ARHGAP4: variants seen among roughly 807,000 people sequenced by gnomAD.
ARHGAP4 encodes Rho GTPase activating protein 4.
ARHGAP4 carries 25 observed loss-of-function variants against 67.6 expected under a neutral mutation model. That is an observed-to-expected ratio of 0.37 (90% CI 0.27 to 0.52). ARHGAP4 has a LOEUF of 0.52. ARHGAP4 is among the 20% of genes least tolerant of loss of function. The pLI is 0.92. For synonymous variants in ARHGAP4, 448 were observed against 373.7 expected, an observed-to-expected ratio of 1.20 and a Z score of -2.29; for missense variants, 804 against 854.6, an observed-to-expected ratio of 0.94 and a Z score of 0.74.
In ARHGAP4 at chrX:153,909,425, C is replaced by G; in HGVS notation, c.2507+18G>C. 2 of 1,178,736 alleles carry G rather than the reference C, an allele frequency of 1.7e-6. No homozygotes were observed. The highest frequency in any genetic ancestry group is 2.3e-6 in the Non-Finnish European group (2 of 877,661). ...AACAGCACACGTGTGGCCCCCTGAGCCCCGTCTTCTTGCTCACCGGTGGAC... is the reference window on the plus strand; with the variant it reads ...AACAGCACACGTGTGGCCCCCTGAGGCCCGTCTTCTTGCTCACCGGTGGAC... On this transcript the variant is annotated intron_variant, in intron 20 of 21. Transcript: ENST00000350060.
rs782717001 is a variant in ARHGAP4 at position 153,907,903 on chromosome X, G to A, written c.2667C>T (p.Arg889=). 2.8e-6 allele frequency: 3 copies of A among 1,063,427 alleles called. No homozygotes were observed. The highest frequency in any genetic ancestry group is 7.0e-5 in the Admixed American group (2 of 28,634). 87.6% of individuals were successfully genotyped at this position (1,063,427 alleles called of 1,213,427 possible). The change falls in exon 22 of 22, where the codon CGC becomes CGT. Residue 889 remains arginine (R), a synonymous_variant. Coordinates refer to ENST00000350060, the MANE Select transcript of ARHGAP4 (RefSeq NM_001666.5). ...TGGTAGATGCTGGCCCAAGGCCCTG[G>A]CGGACAGAGGTCTTTCCCAAGAGCT... ...FKELLGKTSV[R]QGLGPASTTS...
In ARHGAP4 at chrX:153,910,495, G is replaced by A. The variant is rs187897015; in HGVS notation, c.1922+11C>T. ...TGGCCCCCACCCCAGCACTCGCCCCGCAGCACTCACTGGTTGAGGAAGGTG... is the reference window on the plus strand; with the variant it reads ...TGGCCCCCACCCCAGCACTCGCCCCACAGCACTCACTGGTTGAGGAAGGTG... On this transcript the variant is annotated intron_variant, in intron 16 of 21. Transcript: ENST00000350060. 9.6e-4 allele frequency: 561 copies of A among 584,172 alleles called. 4 individuals are homozygous for A. The African/African-American group carries it at 0.014, about 14-fold the overall frequency. 48.1% of individuals were successfully genotyped at this position (584,172 alleles called of 1,213,427 possible). A position where few individuals can be genotyped will look rare whatever the true frequency, so the allele number is the denominator to read the frequency against.
In ARHGAP4 at chrX:153,921,025, G is replaced by A; in HGVS notation, c.498+72C>T. The stretch of plus-strand genomic sequence containing the variant: ...TGGGGTGATGTGATGGTCTGGCGGT[G>A]TTCCTCCCCCACTGTGAGTGGCATT... On this transcript the variant is annotated intron_variant, in intron 4 of 21. Transcript: ENST00000350060. 3 of 1,130,031 alleles carry A rather than the reference G, an allele frequency of 2.7e-6. No homozygotes were observed. The South Asian group carries it at 5.8e-5, about 22-fold the overall frequency. The allele number at this position is 1,130,031 out of a possible 1,213,427, so 93.1% of individuals were successfully genotyped here. A position where few individuals can be genotyped will look rare whatever the true frequency, so the allele number is the denominator to read the frequency against.
chrX:153,922,916 T>C (rs1557105630), intron 1 of ARHGAP4, among the ~76,000 whole-genome samples: 1 of 110,881 alleles, frequency 9.0e-6, no homozygotes, highest in East Asian at 2.8e-4. Flanking sequence ...GCGGAGAAGA[T>C]GAACCCACAA....
At chrX:153,920,396 C>T in intron 5 of ARHGAP4, 1 of 416,087 alleles carries the variant, frequency 2.4e-6, no homozygotes, top group Non-Finnish European at 4.1e-6. Context: ...CTGCAGGGGC[C>T]CCGCTGGGAG....
chrX:153,914,911 A>G (rs1557104033), intron 7 of ARHGAP4, among the ~76,000 whole-genome samples: 1 of 112,164 alleles, frequency 8.9e-6, no homozygotes, highest in Non-Finnish European at 1.9e-5. Flanking sequence ...TTACTCTTTT[A>G]AGCATGTAGA....
intron 12 of ARHGAP4, 72 bp from the exon 13 acceptor site, chrX:153,911,261 T>C: frequency 1.1e-6 from 1 of 923,443 alleles, no homozygotes; most frequent in Admixed American, 4.0e-5. Flanking sequence ...GCTTTTTTTT[T>C]TTTTTTTTTT....
In ARHGAP4 at chrX:153,910,086, CTGAGGTTCAGGGCAGAGCGAGGCAGA is replaced by C; in HGVS notation, c.2157-27_2157-2del. The C allele has an allele frequency of 8.3e-7, 1 of 1,211,558 alleles. No homozygotes were observed. The highest frequency in any genetic ancestry group is 1.1e-6 in the Non-Finnish European group (1 of 895,479). ...CCCCAGGCTCTCCAGCTGGGCGTCC[CTGAGGTTCAGGGCAGAGCGAGGCAGA>C]TGAGGGGGGCTCTTCTCCAGTGGAC... On this transcript the variant is annotated splice_acceptor_variant and splice_polypyrimidine_tract_variant and intron_variant, in intron 17 of 21. Coordinates refer to ENST00000350060, the MANE Select transcript of ARHGAP4 (RefSeq NM_001666.5). LOFTEE classifies it high-confidence loss of function.
chrX:153,907,387 A>G lies in ARHGAP4; in HGVS notation c.*342T>C, dbSNP rs1219522699. On this transcript the variant is annotated 3_prime_UTR_variant, in exon 22 of 22. Transcript: ENST00000350060. ...AGAGCTGGCTCCCATCGGGGAATCAACACGAGGTCTTTATGAATCGCCACC... is the reference window on the plus strand; with the variant it reads ...AGAGCTGGCTCCCATCGGGGAATCAGCACGAGGTCTTTATGAATCGCCACC... The G allele has an allele frequency of 7.1e-6, 2 of 282,121 alleles. No homozygotes were observed. The highest frequency in any genetic ancestry group is 1.3e-5 in the Non-Finnish European group (2 of 155,718). 23.2% of individuals were successfully genotyped at this position (282,121 alleles called of 1,213,427 possible).
chrX:153,914,008 G>A (rs2065039188), intron 7 of ARHGAP4, 129 bp from the exon 8 acceptor site: 3 of 542,385 alleles, frequency 5.5e-6, no homozygotes, highest in Non-Finnish European at 9.1e-6. Flanking sequence ...CAGCCCAGAC[G>A]CTCAGCTGAA....
chrX:153,907,783 G>A lies in ARHGAP4; in HGVS notation c.2787C>T (p.Ala929=), dbSNP rs782215223. 2 of 1,012,003 alleles carry A rather than the reference G, an allele frequency of 2.0e-6. No homozygotes were observed. The highest frequency in any genetic ancestry group is 3.9e-5 in the African/African-American group (2 of 50,826). The allele number at this position is 1,012,003 out of a possible 1,213,427, so 83.4% of individuals were successfully genotyped here. A position where few individuals can be genotyped will look rare whatever the true frequency, so the allele number is the denominator to read the frequency against. ...CCTGGGGGTGGGAAGCTGAGGGTGA[G>A]GCTGGGGCCCCAGGGCCCCGGGAGA... ...KGFSRGPGAP[A]SPSASHPQGL... is the part of the protein sequence containing the mutation. The change falls in exon 22 of 22, where the codon GCC becomes GCT. Residue 929 remains alanine, a synonymous_variant. Transcript: ENST00000350060.
intron 7 of ARHGAP4, among the ~76,000 whole-genome samples, chrX:153,916,566 G>C (rs782403930): frequency 1.8e-5 from 2 of 113,196 alleles, no homozygotes; most frequent in Non-Finnish European, 3.7e-5. Flanking sequence ...GTTTCTACTG[G>C]GGAAACTGGC....
chrX:153,910,033 C>T lies in ARHGAP4; in HGVS notation c.2209G>A (p.Glu737Lys), dbSNP rs782219997. ...TCACCATCCTCCTGTGCGGGCATCTCGGCTTCCAGCTCCGGCTCATTGTCC... is the reference window on the plus strand; with the variant it reads ...TCACCATCCTCCTGTGCGGGCATCTTGGCTTCCAGCTCCGGCTCATTGTCC... ...GADNEPELEA[E>K]MPAQEDDLEG... Residue 737 changes from glutamate (E) to lysine (K), a missense_variant, in exon 18 of 22, where the codon GAG becomes AAG. Physicochemically the swap from Glu to Lys is moderately conservative, Grantham distance 56. Coordinates refer to ENST00000350060, the MANE Select transcript of ARHGAP4 (RefSeq NM_001666.5). The T allele has an allele frequency of 3.3e-6, 4 of 1,211,385 alleles. No homozygotes were observed. Among genetic ancestry groups the T allele is most frequent in the Non-Finnish European group, 4.5e-6 (4 of 895,486 alleles).
At chrX:153,917,091 C>T (rs2065060485) in intron 7 of ARHGAP4, among the ~76,000 whole-genome samples, 1 of 111,614 alleles carries the variant, frequency 9.0e-6, no homozygotes, top group African/African-American at 3.3e-5. Flanking sequence ...TGGCGGGCAC[C>T]TGTAGTCCCA....
chrX:153,925,781 G>C (rs1424800488), intron 1 of ARHGAP4, among the ~76,000 whole-genome samples: 1 of 112,713 alleles, frequency 8.9e-6, no homozygotes, highest in East Asian at 2.8e-4. Context: ...AATCAAGCTG[G>C]TTGACTTCAC....
chrX:153,910,324 G>A lies in ARHGAP4; in HGVS notation c.2003C>T (p.Pro668Leu). The A allele has an allele frequency of 8.3e-7, 1 of 1,209,461 alleles. No homozygotes were observed. Among genetic ancestry groups the A allele is most frequent in the Non-Finnish European group, 1.1e-6 (1 of 894,512 alleles). The stretch of plus-strand genomic sequence containing the variant: ...CAGCGCCACCGGGTCCTGCCCAGCG[G>A]GCACCGGTAGCAGCGTGGGCCCGAA... The part of the protein sequence containing the change: ...VCFGPTLLPV[P>L]AGQDPVALQG... Residue 668 changes from proline (P) to leucine (L), a missense_variant, in exon 17 of 22, where the codon CCC becomes CTC. Around this residue, in one of 2 missense-constraint regions of ARHGAP4, gnomAD observed 400 missense variants for 348.7 expected, o/e 1.15. Transcript: ENST00000350060.
chrX:153,914,127 C>T, intron 7 of ARHGAP4: 1 of 399,143 alleles, frequency 2.5e-6, no homozygotes, highest in Non-Finnish European at 4.4e-6. Flanking sequence ...GGTCTACCCA[C>T]AGAATGGAAG....
Position 153,909,844 on chromosome X carries a change from C to T in ARHGAP4, c.2311G>A (p.Asp771Asn), listed in dbSNP as rs782813010. ...GCCCTCTCGTGCAGCCGCAGTACGTCCCCCCGCCGGAAGCTCAGCTCCTGG... is the reference window on the plus strand; with the variant it reads ...GCCCTCTCGTGCAGCCGCAGTACGTTCCCCCGCCGGAAGCTCAGCTCCTGG... ...TAQELSFRRG[D>N]VLRLHERASS... is the part of the protein sequence containing the mutation. Residue 771 changes from aspartate (D) to asparagine (N), a missense_variant, in exon 19 of 22, where the codon GAC becomes AAC. Around this residue, in one of 2 missense-constraint regions of ARHGAP4, gnomAD observed 400 missense variants for 348.7 expected, o/e 1.15. Transcript: ENST00000350060. The T allele has an allele frequency of 1.7e-6, 2 of 1,201,524 alleles. No individual in the cohort carries two copies. Among genetic ancestry groups the T allele is most frequent in the East Asian group, 3.0e-5 (1 of 33,398 alleles).
Position 153,909,860 on chromosome X carries a change from C to G in ARHGAP4, c.2295G>C (p.Leu765=), listed in dbSNP as rs781998219. 9 of 1,203,524 alleles carry G rather than the reference C, an allele frequency of 7.5e-6. No individual in the cohort carries two copies. The highest frequency in any genetic ancestry group is 1.0e-5 in the Non-Finnish European group (9 of 892,419). Residue 765 remains leucine, a synonymous_variant, in exon 19 of 22, where the codon CTG becomes CTC. Coordinates refer to ENST00000350060, the MANE Select transcript of ARHGAP4 (RefSeq NM_001666.5). ...GCAGTACGTCCCCCCGCCGGAAGCT[C>G]AGCTCCTGGGCTGTGCGGCCCGTGT... ...FAYTGRTAQE[L]SFRRGDVLRL...
Sources: gnomAD v4.1 joint callset for allele counts (sites outside exome capture counted in the v4.1 genomes callset) on GRCh38, gnomAD v4.1.1 for gene constraint, gnomAD v4.1.1 regional missense constraint, MANE v1.5 for transcripts, NCBI Gene and HGNC (gene_info 2026-07-23, HGNC 2026-07-21) for gene names.